Variants in RAD54L2 observed in about 807,000 individuals in gnomAD.
RAD54L2 encodes the protein RAD54 like 2.
Under a neutral mutation model 138.4 loss-of-function variants are expected in RAD54L2, and 27 were observed. The ratio of observed to expected loss-of-function variants is 0.20; its 90% CI spans 0.14 to 0.27. RAD54L2 has a LOEUF of 0.27. Among genes scored for constraint, RAD54L2 ranks in the 10% least tolerant of loss-of-function variants. RAD54L2 has a pLI of 1.00. For missense variants in RAD54L2, 1,396 were observed against 1,890.2 expected (o/e 0.74, Z 4.85); for synonymous variants, 644 against 723.2 (o/e 0.89, Z 1.76).
chr3:51,602,996 T>A (rs1700108400), intron 3 of RAD54L2, among the ~76,000 whole-genome samples: 1 of 152,026 alleles, frequency 6.6e-6, no homozygotes, highest in Admixed American at 6.6e-5. Flanking sequence ...CTCCAGCTAA[T>A]TTTTAAAAAA....
chr3:51,540,205 C>G (rs1490418119), intron 1 of RAD54L2, among the ~76,000 whole-genome samples: 1 of 152,178 alleles, frequency 6.6e-6, no homozygotes, highest in Non-Finnish European at 1.5e-5. Flanking sequence ...GTGTGCAACA[C>G]TAAAGAAGGA....
intron 20 of RAD54L2, among the ~76,000 whole-genome samples, chr3:51,656,644 C>T (rs1487315487): frequency 6.6e-6 from 1 of 152,132 alleles, no homozygotes; most frequent in Non-Finnish European, 1.5e-5. Flanking sequence ...GCCAACCCAT[C>T]CACTCCAGGA....
chr3:51,630,544 G>A (rs1485479718), intron 6 of RAD54L2, 156 bp downstream of exon 6: 2 of 975,466 alleles, frequency 2.1e-6, no homozygotes, highest in Non-Finnish European at 3.0e-6. Flanking sequence ...TTTTTTGCTT[G>A]TCTTAACTTG....
At chr3:51,554,723 G>A (rs566620701) in intron 2 of RAD54L2, among the ~76,000 whole-genome samples, 33 of 152,282 alleles carry the variant, frequency 2.2e-4, no homozygotes, top group African/African-American at 7.9e-4. Flanking sequence ...TTACCTGAGA[G>A]TCTAGTACCT....
At chr3:51,623,144 G>A (rs897160512) in intron 3 of RAD54L2, among the ~76,000 whole-genome samples, 3 of 152,238 alleles carry the variant, frequency 2.0e-5, no homozygotes, top group African/African-American at 4.8e-5. Context: ...TGGCTGGTTT[G>A]TAGTAGTCTC....
intron 3 of RAD54L2, among the ~76,000 whole-genome samples, chr3:51,601,419 T>C (rs1700077370): frequency 6.6e-6 from 1 of 151,624 alleles, no homozygotes; most frequent in Non-Finnish European, 1.5e-5. Flanking sequence ...GGAATTCTCC[T>C]GCCTCAGCCT....
intron 3 of RAD54L2, among the ~76,000 whole-genome samples, chr3:51,605,688 G>A (rs1700166425): frequency 1.3e-5 from 2 of 152,150 alleles, no homozygotes; most frequent in Non-Finnish European, 2.9e-5. Flanking sequence ...CTGACCTCAA[G>A]TGATCCACCC....
rs182909325 is a variant in RAD54L2, at chr3:51,637,086, C to T, written c.1340-75C>T. The T allele has an allele frequency of 1.6e-6, 2 of 1,271,816 alleles. No individual in the cohort carries two copies. The highest frequency in any genetic ancestry group is 2.5e-5 in the East Asian group (1 of 39,362). 78.8% of individuals were successfully genotyped at this position (1,271,816 alleles called of 1,614,324 possible). ...CATTTCTTCTGTCTCCTCCAGGGTG[C>T]ACCCCTACTTCTCATATTATTGACT... is the stretch of plus-strand genomic sequence containing the variant. On this transcript the variant is annotated intron_variant, in intron 10 of 22. Coordinates refer to ENST00000684192, the MANE Select transcript of RAD54L2 (RefSeq NM_015106.4). This position sits in a 1 kb window ranked among gnomAD's most constrained non-coding sequence, Gnocchi z 5.9.
intron 15 of RAD54L2, among the ~76,000 whole-genome samples, chr3:51,642,157 G>C (rs1701153704): frequency 6.6e-6 from 1 of 152,124 alleles, no homozygotes; most frequent in African/African-American, 2.4e-5. Context: ...GGGTTCTAAG[G>C]AGGATAGAAT....
chr3:51,657,858 A>G (rs1015706213), intron 21 of RAD54L2, among the ~76,000 whole-genome samples, 189 bp downstream of exon 21: 1 of 143,040 alleles, frequency 7.0e-6, no homozygotes, highest in Non-Finnish European at 1.5e-5. Flanking sequence ...CCCATAGGGT[A>G]TTAGTCAGTG....
At chr3:51,604,111 G>A (rs1413870868) in intron 3 of RAD54L2, among the ~76,000 whole-genome samples, 1 of 152,186 alleles carries the variant, frequency 6.6e-6, no homozygotes, top group Non-Finnish European at 1.5e-5. Flanking sequence ...AATAGGATTT[G>A]TTGGTCAAAT....
chr3:51,564,420 G>C (rs1212942695), intron 2 of RAD54L2, among the ~76,000 whole-genome samples: 4 of 152,228 alleles, frequency 2.6e-5, no homozygotes. Flanking sequence ...TTGGAGTCCT[G>C]TAACTGAAGA....
intron 3 of RAD54L2, chr3:51,611,712 C>T (rs1388768561): frequency 6.6e-6 from 1 of 152,120 alleles, no homozygotes; most frequent in Non-Finnish European, 1.5e-5. Context: ...GTGCCAGCCA[C>T]CACGCCCGGC....
At chr3:51,593,628 G>A (rs1240820615) in intron 3 of RAD54L2, among the ~76,000 whole-genome samples, 3 of 152,096 alleles carry the variant, frequency 2.0e-5, no homozygotes, top group African/African-American at 4.8e-5. Context: ...CACTGTGCCC[G>A]GCCACTTCAG....
chr3:51,630,322 T>A lies in RAD54L2; in HGVS notation c.532T>A (p.Leu178Met). ...SDGPQLPPRV[L>M]AQEVICLDSS... ...CGGTCCCCAACTGCCTCCTCGGGTC[T>A]TGGCCCAGGAAGTCATTTGTTTGGA... The change falls in exon 6 of 23, where the codon TTG (leucine) becomes ATG (methionine). Residue 178 changes from leucine to methionine, a missense_variant. Coordinates refer to ENST00000684192, the MANE Select transcript of RAD54L2 (RefSeq NM_015106.4). 6.2e-7 allele frequency: 1 copy of A among 1,614,048 alleles called. No individual in the cohort carries two copies. The highest frequency in any genetic ancestry group is 8.5e-7 in the Non-Finnish European group (1 of 1,179,876).
chr3:51,575,438 G>C (rs893974204), intron 2 of RAD54L2, among the ~76,000 whole-genome samples: 2 of 152,222 alleles, frequency 1.3e-5, no homozygotes, highest in Non-Finnish European at 2.9e-5. Flanking sequence ...ATTACCATGG[G>C]CAGTATGGCC....
chr3:51,548,960 A>G (rs1481968827), intron 2 of RAD54L2, among the ~76,000 whole-genome samples: 1 of 150,088 alleles, frequency 6.7e-6, no homozygotes, highest in East Asian at 2.0e-4. Flanking sequence ...AGTAGCTGGG[A>G]TTACAGGTGC....
At chr3:51,548,035 G>A (rs1161284759) in intron 2 of RAD54L2, among the ~76,000 whole-genome samples, 6 of 142,618 alleles carry the variant, frequency 4.2e-5, no homozygotes, top group African/African-American at 1.3e-4. Flanking sequence ...GGGATTACAG[G>A]CACCTGCCAC....
intron 2 of RAD54L2, among the ~76,000 whole-genome samples, chr3:51,556,834 C>G (rs937848435): frequency 1.3e-5 from 2 of 152,156 alleles, no homozygotes; most frequent in African/African-American, 4.8e-5. Flanking sequence ...CCTCTGCCTC[C>G]CAAAGTGCTG....
Sources: gnomAD v4.1 joint callset for allele counts (sites outside exome capture counted in the v4.1 genomes callset) on GRCh38, gnomAD v4.1.1 for gene constraint, Gnocchi (gnomAD v3.1) non-coding constraint, MANE v1.5 for transcripts, NCBI Gene and HGNC (gene_info 2026-07-23, HGNC 2026-07-21) for gene names.